ELOVL5: variants seen among roughly 807,000 people sequenced by gnomAD.
The protein encoded by ELOVL5 is ELOVL fatty acid elongase 5.
ELOVL5 carries 8 observed loss-of-function variants against 38.6 expected under a neutral mutation model. The ratio of observed to expected loss-of-function variants is 0.21; its 90% CI spans 0.12 to 0.37. The LOEUF is 0.37. Among genes scored for constraint, ELOVL5 ranks in the 10% least tolerant of loss-of-function variants. ELOVL5 has a pLI of 1.00. For missense variants in ELOVL5, 280 were observed against 367.8 expected (o/e 0.76, Z 1.95); for synonymous variants, 127 against 133.7 (o/e 0.95, Z 0.34).
At chr6:53,324,916 C>T (rs920890870) in intron 1 of ELOVL5, among the ~76,000 whole-genome samples, 28 of 152,192 alleles carry the variant, frequency 1.8e-4, no homozygotes, top group African/African-American at 6.7e-4. Context: ...CTAGAAAAGG[C>T]CTAGGGTGAT....
intron 1 of ELOVL5, among the ~76,000 whole-genome samples, chr6:53,314,487 A>C (rs1767956716): frequency 6.6e-6 from 1 of 152,204 alleles, no homozygotes; most frequent in South Asian, 2.1e-4. Context: ...ATCATATGAA[A>C]ATTTTAGGAA....
intron 1 of ELOVL5, among the ~76,000 whole-genome samples, chr6:53,318,005 CAAG>C (rs1768130318): frequency 1.3e-5 from 2 of 152,002 alleles, no homozygotes; most frequent in Admixed American, 1.3e-4. Flanking sequence ...TGTATATTTA[CAAG>C]GATAATCTCA....
chr6:53,285,865 C>CA (rs1478012097), intron 3 of ELOVL5, among the ~76,000 whole-genome samples: 7 of 152,346 alleles, frequency 4.6e-5, no homozygotes, highest in African/African-American at 1.7e-4. Flanking sequence ...CTCGGCCTCT[C>CA]AAAGTGCTAG....
In ELOVL5 at chr6:53,311,587, C is replaced by T. The variant is rs188698572; in HGVS notation, c.-8-15880G>A. On this transcript the variant is annotated intron_variant, in intron 1 of 7. Coordinates refer to ENST00000304434, the MANE Select transcript of ELOVL5 (RefSeq NM_021814.5). The stretch of plus-strand genomic sequence containing the variant: ...CAAAAAGTAAAAACAACCCAAAAGT[C>T]GATCAACTGATTAATTAATAAACAA... 2.0e-5 allele frequency among the ~76,000 whole-genome samples: 3 copies of T among 152,176 alleles called. No individual in the cohort carries two copies. The East Asian group carries it at 5.8e-4, about 29-fold the overall frequency.
chr6:53,312,537 G>C (rs1767885875), intron 1 of ELOVL5, among the ~76,000 whole-genome samples: 1 of 152,194 alleles, frequency 6.6e-6, no homozygotes, highest in African/African-American at 2.4e-5. Context: ...GGATGGAAGA[G>C]GATGTGGTTA....
intron 1 of ELOVL5, among the ~76,000 whole-genome samples, chr6:53,347,605 G>C (rs1187303413): frequency 6.6e-6 from 1 of 152,078 alleles, no homozygotes; most frequent in Non-Finnish European, 1.5e-5. Flanking sequence ...TTCCTGCCAC[G>C]GGTCCCGCTA....
intron 3 of ELOVL5, chr6:53,290,287 A>G (rs1051123682): frequency 6.6e-6 from 1 of 152,238 alleles, no homozygotes; most frequent in African/African-American, 2.4e-5. Context: ...ATCACATGAA[A>G]TATTTTTCTC....
rs769730196 is a variant in ELOVL5, at chr6:53,291,768, T to C, written c.246+8A>G. 1 of 1,602,502 alleles carries C rather than the reference T, an allele frequency of 6.2e-7. No homozygotes were observed. The highest frequency in any genetic ancestry group is 8.5e-7 in the Non-Finnish European group (1 of 1,173,980). On this transcript the variant is annotated splice_region_variant and intron_variant, in intron 3 of 7. Coordinates refer to ENST00000304434, the MANE Select transcript of ELOVL5 (RefSeq NM_021814.5). ...GTGAAAGGAAGACTGTGTTAACCTT[T>C]GACTTACCTCACAGAACATATACAG...
chr6:53,275,719 T>G (rs755116628), intron 4 of ELOVL5, among the ~76,000 whole-genome samples: 3 of 152,214 alleles, frequency 2.0e-5, no homozygotes, highest in Non-Finnish European at 4.4e-5. Context: ...GTCAGGTCTC[T>G]GCCCAATTAA....
intron 2 of ELOVL5, among the ~76,000 whole-genome samples, chr6:53,295,097 T>C (rs190655900): frequency 4.6e-5 from 7 of 152,366 alleles, no homozygotes; most frequent in Admixed American, 1.3e-4. Context: ...AAGCCATTTC[T>C]AGTTTTTCTG....
At chr6:53,315,515 C>CT (rs1767993025) in intron 1 of ELOVL5, among the ~76,000 whole-genome samples, 1 of 152,134 alleles carries the variant, frequency 6.6e-6, no homozygotes, top group Admixed American at 6.5e-5. Flanking sequence ...CATTTTCATT[C>CT]ATATAGTCAA....
intron 3 of ELOVL5, among the ~76,000 whole-genome samples, chr6:53,282,785 C>T (rs1766409080): frequency 6.6e-6 from 1 of 152,156 alleles, no homozygotes; most frequent in East Asian, 1.9e-4. Context: ...AAATAAAATT[C>T]AATAATCAAT....
At chr6:53,270,753 G>T (rs193241282) in intron 6 of ELOVL5, 26 bp from the exon 7 acceptor site, 7 of 1,613,816 alleles carry the variant, frequency 4.3e-6, no homozygotes, top group Non-Finnish European at 5.9e-6. Flanking sequence ...GGATGCAGCT[G>T]AACAGGGACA....
chr6:53,295,642 C>A lies in ELOVL5; in HGVS notation c.58G>T (p.Asp20Tyr). 6.2e-7 allele frequency: 1 copy of A among 1,601,584 alleles called. No homozygotes were observed. The highest frequency in any genetic ancestry group is 1.1e-5 in the South Asian group (1 of 88,382). Residue 20 changes from aspartate (D) to tyrosine (Y), a missense_variant and splice_region_variant, in exon 2 of 8, where the codon GAT becomes TAT. By Grantham distance (160) the Asp-to-Tyr change is radical (BLOSUM62 -3). This residue lies in a region of ELOVL5 where 150 missense variants were observed against 178.0 expected (regional missense o/e 0.84). Transcript: ENST00000304434. Reference sequence around the variant, plus strand: ...TAAGCAAAACCAAAAACCACCTTACCTCGAGGGCCTAGCAATGCCTTGAAA... The same window carrying A: ...TAAGCAAAACCAAAAACCACCTTACATCGAGGGCCTAGCAATGCCTTGAAA... The part of the protein sequence containing the change: ...TYFKALLGPR[D>Y]TRVKGWFLLD...
rs531693970 is a variant in ELOVL5 at position 53,292,095 on chromosome 6, G to A, written c.59-132C>T. The A allele has an allele frequency of 1.6e-3, 826 of 528,208 alleles. 1 individual carries two copies. The highest frequency in any genetic ancestry group is 2.4e-3 in the Non-Finnish European group (732 of 304,454). 32.7% of individuals were successfully genotyped at this position (528,208 alleles called of 1,614,324 possible). ...TTCTTAATTCCAATAAAGCAATCAGGAGAGGAGGCATGGATTTTCAATACA... is the reference window on the plus strand; with the variant it reads ...TTCTTAATTCCAATAAAGCAATCAGAAGAGGAGGCATGGATTTTCAATACA... On this transcript the variant is annotated intron_variant, in intron 2 of 7. Transcript: ENST00000304434.
In ELOVL5 at chr6:53,273,242, T is replaced by G; in HGVS notation, c.599A>C (p.Lys200Thr). Residue 200 changes from lysine to threonine, a missense_variant, in exon 6 of 8, where the codon AAG becomes ACG. Lys to Thr is a moderately conservative substitution (Grantham distance 78). Transcript: ENST00000304434. The stretch of plus-strand genomic sequence containing the variant: ...CACCAGCTGCCCCTGAGTGATGTAC[T>G]TCTTCCACCAGAGGTATGGACGCAT... ...PSMRPYLWWKKYITQGQLLQF... is the reference protein window; with the variant it reads ...PSMRPYLWWKTYITQGQLLQF... 3 of 1,613,820 alleles carry G rather than the reference T, an allele frequency of 1.9e-6. No homozygotes were observed. The highest frequency in any genetic ancestry group is 2.5e-6 in the Non-Finnish European group (3 of 1,179,776).
intron 2 of ELOVL5, among the ~76,000 whole-genome samples, chr6:53,293,818 G>A (rs1009796165): frequency 2.6e-5 from 4 of 152,156 alleles, no homozygotes; most frequent in African/African-American, 4.8e-5. Context: ...TGGCTTCAGA[G>A]GGACATGCCC....
At chr6:53,313,071 C>T (rs1240798477) in intron 1 of ELOVL5, among the ~76,000 whole-genome samples, 1 of 152,204 alleles carries the variant, frequency 6.6e-6, no homozygotes, top group Admixed American at 6.5e-5. Context: ...AGGAATCATA[C>T]ATCTCACAAA....
chr6:53,281,593 A>C (rs1368766319), intron 3 of ELOVL5, among the ~76,000 whole-genome samples: 1 of 152,236 alleles, frequency 6.6e-6, no homozygotes, highest in East Asian at 1.9e-4. Flanking sequence ...TCTGTGGAAA[A>C]GCAGACCTTT....
Sources: allele counts gnomAD v4.1 joint callset (sites outside exome capture counted in the v4.1 genomes callset), GRCh38; gene constraint gnomAD v4.1.1; regional missense constraint gnomAD v4.1.1; transcripts MANE v1.5; gene names NCBI Gene and HGNC (gene_info 2026-07-23, HGNC 2026-07-21).